LHFPL7: variants seen among roughly 807,000 people sequenced by gnomAD.
The protein encoded by LHFPL7 is LHFPL tetraspan subfamily member 7, also known as LHFPL tetraspan subfamily member 7 protein.
the LHFPL7 span, among the ~76,000 whole-genome samples, chr22:24,937,228 C>A: frequency 6.6e-6 from 1 of 152,148 alleles, no homozygotes. Flanking sequence ...CATGGAAGAC[C>A]TCATGGAGGC....
chr22:24,946,081 G>A, the LHFPL7 span, among the ~76,000 whole-genome samples: 31 of 152,340 alleles, frequency 2.0e-4, no homozygotes, highest in African/African-American at 6.0e-4. Flanking sequence ...AGGCCAAGGC[G>A]GGAGGATCAC....
At chr22:24,938,734 G>A in the LHFPL7 span, among the ~76,000 whole-genome samples, 1 of 152,040 alleles carries the variant, frequency 6.6e-6, no homozygotes, top group Non-Finnish European at 1.5e-5. Flanking sequence ...TTCTTCCTTA[G>A]AGGTGCTGGA....
chr22:24,938,867 G>A, the LHFPL7 span, among the ~76,000 whole-genome samples: 1 of 152,178 alleles, frequency 6.6e-6, no homozygotes, highest in Non-Finnish European at 1.5e-5. Context: ...AGGTAAGAGC[G>A]TGCAGGTTGT....
At chr22:24,946,636 T>C in the LHFPL7 span, 1 of 152,374 alleles carries the variant, frequency 6.6e-6, no homozygotes, top group Non-Finnish European at 1.5e-5. Context: ...TGGATCCACG[T>C]CTGTGACCTT....
At chr22:24,946,196 G>C in the LHFPL7 span, among the ~76,000 whole-genome samples, 3 of 152,112 alleles carry the variant, frequency 2.0e-5, no homozygotes, top group Admixed American at 2.0e-4. Context: ...TGTAATCCCA[G>C]CTATTCGGGA....
chr22:24,935,964 A>G, the LHFPL7 span, among the ~76,000 whole-genome samples: 7 of 151,050 alleles, frequency 4.6e-5, no homozygotes, highest in African/African-American at 1.7e-4. Flanking sequence ...CAGTATACCC[A>G]TTTTCCTCAT....
At chr22:24,941,979 TTTTATTTATTTA>T in the LHFPL7 span, among the ~76,000 whole-genome samples, 12 of 145,888 alleles carry the variant, frequency 8.2e-5, no homozygotes, top group Non-Finnish European at 1.0e-4. Context: ...TTCAAATGTA[TTTTATTTATTTA>T]TTTATTTATT....
the LHFPL7 span, among the ~76,000 whole-genome samples, chr22:24,938,902 G>GT: frequency 6.6e-6 from 1 of 151,974 alleles, no homozygotes; most frequent in Middle Eastern, 3.2e-3. Flanking sequence ...TCAGAGACAC[G>GT]TTGGGGGCCA....
chr22:24,938,487 T>C, the LHFPL7 span, among the ~76,000 whole-genome samples: 1 of 152,198 alleles, frequency 6.6e-6, no homozygotes, highest in African/African-American at 2.4e-5. Flanking sequence ...ATCTCCATTT[T>C]ACATAAAAAG....
chr22:24,935,405 C>G, the LHFPL7 span: 1 of 1,613,912 alleles, frequency 6.2e-7, no homozygotes, highest in Non-Finnish European at 8.5e-7. Context: ...TCCCTTGGAC[C>G]TTGGTTGTGT....
the LHFPL7 span, among the ~76,000 whole-genome samples, chr22:24,936,900 C>T: frequency 6.6e-6 from 1 of 152,054 alleles, no homozygotes; most frequent in Non-Finnish European, 1.5e-5. Flanking sequence ...TGACTGATGC[C>T]CTCCAACCCC....
chr22:24,935,484 C>T, the LHFPL7 span: 3,673 of 1,613,948 alleles, frequency 2.3e-3, 81 homozygotes, highest in African/African-American at 0.042. Flanking sequence ...GTAACCCCAA[C>T]CCAGCCGGCA....
chr22:24,943,271 G>A, the LHFPL7 span, among the ~76,000 whole-genome samples: 2 of 152,144 alleles, frequency 1.3e-5, no homozygotes, highest in Admixed American at 1.3e-4. Context: ...ACCTTGAAAG[G>A]AGTTTTGTTC....
At chr22:24,944,392 G>T in the LHFPL7 span, among the ~76,000 whole-genome samples, 1 of 152,184 alleles carries the variant, frequency 6.6e-6, no homozygotes, top group Admixed American at 6.5e-5. Flanking sequence ...CCTTTGAGCT[G>T]AGCCTGAAGA....
At chr22:24,935,867 C>T in the LHFPL7 span, among the ~76,000 whole-genome samples, 1 of 152,082 alleles carries the variant, frequency 6.6e-6, no homozygotes, top group African/African-American at 2.4e-5. Context: ...CACATCCATC[C>T]TTCTGTCCAT....
chr22:24,936,876 T>G, the LHFPL7 span, among the ~76,000 whole-genome samples: 4 of 152,128 alleles, frequency 2.6e-5, no homozygotes, highest in Non-Finnish European at 5.9e-5. Flanking sequence ...ATCCCCACCA[T>G]GTGAAATATC....
At chr22:24,938,448 C>T in the LHFPL7 span, among the ~76,000 whole-genome samples, 1 of 152,228 alleles carries the variant, frequency 6.6e-6, no homozygotes, top group Non-Finnish European at 1.5e-5. Flanking sequence ...GCTTCTGAGT[C>T]CTCGCAGCAT....
the LHFPL7 span, among the ~76,000 whole-genome samples, chr22:24,943,046 G>A: frequency 0.032 from 4,814 of 151,934 alleles, 184 homozygotes; most frequent in African/African-American, 0.086. Context: ...CCAGCAAGTG[G>A]AATATCCTCC....
chr22:24,941,955 G>T, the LHFPL7 span, among the ~76,000 whole-genome samples: 1 of 150,224 alleles, frequency 6.7e-6, no homozygotes, highest in South Asian at 2.1e-4. Flanking sequence ...GTGAGCCACT[G>T]CACCTGGCCG....
Sources: gnomAD v4.1 joint callset for allele counts (sites outside exome capture counted in the v4.1 genomes callset) on GRCh38, gnomAD v4.1.1 for gene constraint, MANE v1.5 for transcripts, NCBI Gene and HGNC (gene_info 2026-07-23, HGNC 2026-07-21) for gene names.